Variants in EML5 observed in about 807,000 individuals in gnomAD.
The protein encoded by EML5 is echinoderm microtubule-associated protein-like 5.
A neutral mutation model predicts 250.0 loss-of-function variants in EML5; 120 were observed. The ratio of observed to expected loss-of-function variants is 0.48; its 90% CI spans 0.41 to 0.56. The LOEUF is 0.56. Ranked by LOEUF, EML5 falls within the 20% of genes least tolerant of loss-of-function variation. The probability of loss-of-function intolerance (pLI) is 0.00; values close to 1 mark genes in which losing one functional copy is unlikely to be tolerated. For missense variants in EML5, 2,006 were observed against 2,437.6 expected (o/e 0.82, Z 3.73); for synonymous variants, 771 against 806.5 (o/e 0.96, Z 0.75).
chr14:88,671,575 C>T (rs762616689), intron 21 of EML5, among the ~76,000 whole-genome samples: 8 of 152,076 alleles, frequency 5.3e-5, no homozygotes, highest in Non-Finnish European at 7.4e-5. Context: ...TGTAAATTGG[C>T]TAAATGCCCC....
intron 34 of EML5, chr14:88,627,340 A>G: frequency 4.4e-6 from 2 of 454,886 alleles, no homozygotes; most frequent in Non-Finnish European, 7.7e-6. Context: ...CATAATTTTC[A>G]TAAGAATCTC....
chr14:88,682,728 C>T (rs558883158), intron 20 of EML5, among the ~76,000 whole-genome samples: 1 of 152,212 alleles, frequency 6.6e-6, no homozygotes, highest in Admixed American at 6.5e-5. Flanking sequence ...TTGAGCTCAG[C>T]TGACAGGTGG....
intron 21 of EML5, among the ~76,000 whole-genome samples, chr14:88,678,257 G>T (rs1054093348): frequency 3.3e-5 from 5 of 152,072 alleles, no homozygotes; most frequent in Admixed American, 6.6e-5. Context: ...TAAGGATACA[G>T]GGAGAGGAAC....
At chr14:88,664,921 GAACTAAACC>G (rs1408743371) in intron 22 of EML5, among the ~76,000 whole-genome samples, 2 of 152,048 alleles carry the variant, frequency 1.3e-5, no homozygotes, top group South Asian at 2.1e-4. Context: ...GAAAAAAATG[GAACTAAACC>G]AACATAAGTA....
At chr14:88,746,562 A>G (rs1370932599) in intron 2 of EML5, among the ~76,000 whole-genome samples, 1 of 152,128 alleles carries the variant, frequency 6.6e-6, no homozygotes, top group Non-Finnish European at 1.5e-5. Context: ...AAAACTAAAA[A>G]TACTAGATAA....
intron 25 of EML5, among the ~76,000 whole-genome samples, chr14:88,660,464 G>A (rs554957324): frequency 1.6e-4 from 25 of 151,916 alleles, no homozygotes; most frequent in African/African-American, 6.0e-4. Context: ...ATCTGTTGGC[G>A]AGGCCCAGTG....
chr14:88,788,968 T>C (rs962830061), intron 1 of EML5, among the ~76,000 whole-genome samples: 1 of 149,076 alleles, frequency 6.7e-6, no homozygotes, highest in Non-Finnish European at 1.5e-5. Flanking sequence ...GAGGCTGAGG[T>C]GGGATGATCA....
chr14:88,667,097 G>C (rs1242692303), intron 21 of EML5, among the ~76,000 whole-genome samples: 1 of 152,074 alleles, frequency 6.6e-6, no homozygotes, highest in Non-Finnish European at 1.5e-5. Context: ...TTACTGAGAT[G>C]GGATAAACTA....
intron 1 of EML5, among the ~76,000 whole-genome samples, chr14:88,758,595 C>G (rs965225111): frequency 6.6e-6 from 1 of 152,196 alleles, no homozygotes; most frequent in South Asian, 2.1e-4. Flanking sequence ...AATGATGTAG[C>G]CTCTTTGGAA....
chr14:88,678,768 T>C (rs550015808), intron 21 of EML5, among the ~76,000 whole-genome samples: 20 of 152,326 alleles, frequency 1.3e-4, no homozygotes, highest in Admixed American at 1.0e-3. Context: ...AAACTAATAC[T>C]GTGAGAATAA....
intron 32 of EML5, among the ~76,000 whole-genome samples, chr14:88,637,535 T>C (rs2090809614): frequency 6.6e-6 from 1 of 152,176 alleles, no homozygotes. Flanking sequence ...AACCATATTC[T>C]AGAATTCTAT....
At chr14:88,615,949 GTAA>G in intron 43 of EML5, 95 bp from the exon 44 acceptor site, 1 of 1,418,678 alleles carries the variant, frequency 7.0e-7, no homozygotes, top group Non-Finnish European at 9.6e-7. Context: ...GGTTACATGT[GTAA>G]TATTTTTCCT....
At chr14:88,767,882 CA>C (rs60585264) in intron 1 of EML5, among the ~76,000 whole-genome samples, 103,281 of 151,876 alleles carry the variant, frequency 0.68, 37,225 homozygotes, top group East Asian at 0.98. Flanking sequence ...AAACCTTATT[CA>C]AAAATTCACC....
chr14:88,642,861 T>A, intron 31 of EML5, 32 bp downstream of exon 31: 1 of 1,562,300 alleles, frequency 6.4e-7, no homozygotes, highest in Non-Finnish European at 8.6e-7. Flanking sequence ...TTAAAAAAAT[T>A]GATAGAGGGA....
At chr14:88,763,765 G>C (rs753329699) in intron 1 of EML5, among the ~76,000 whole-genome samples, 1 of 152,048 alleles carries the variant, frequency 6.6e-6, no homozygotes, top group Non-Finnish European at 1.5e-5. Context: ...CAATAAAATA[G>C]CAGGATGTTT....
chr14:88,665,618 G>C, intron 21 of EML5, 129 bp from the exon 22 acceptor site: 1 of 1,258,280 alleles, frequency 7.9e-7, no homozygotes, highest in South Asian at 1.5e-5. Context: ...CCCGCGGCCA[G>C]GAGGTTAAGA....
At chr14:88,697,797 G>A (rs972345498) in intron 14 of EML5, among the ~76,000 whole-genome samples, 1 of 151,946 alleles carries the variant, frequency 6.6e-6, no homozygotes, top group Non-Finnish European at 1.5e-5. Flanking sequence ...GTGCAATGGC[G>A]CTATCTCGGC....
At chr14:88,649,744 T>G (rs1383872613) in intron 28 of EML5, among the ~76,000 whole-genome samples, 168 bp downstream of exon 28, 2 of 152,210 alleles carry the variant, frequency 1.3e-5, no homozygotes, top group African/African-American at 4.8e-5. Flanking sequence ...CCATATATGC[T>G]ATCTAAAAAT....
Position 88,620,902 on chromosome 14 carries a change from C to A in EML5, c.5227G>T (p.Gly1743Ter). Residue 1743 changes from glycine to a stop codon, truncating the protein, a stop_gained, in exon 39 of 44, where the codon GGA (glycine) becomes TGA (stop). Coordinates refer to ENST00000554922, the MANE Select transcript of EML5 (RefSeq NM_183387.3). LOFTEE classifies it high-confidence loss of function. The surrounding 1 kb of genome is among the most constrained non-coding windows in gnomAD (Gnocchi z 4.3). Reference protein sequence around the residue: ...DKKMLNKVNLGHAARTVCYSP... With the variant: ...DKKMLNKVNL Reference sequence around the variant, plus strand: ...TAACACACAGTACGAGCAGCATGTCCCAAATTCACTTTGTTTAACATCTTC... The same window carrying A: ...TAACACACAGTACGAGCAGCATGTCACAAATTCACTTTGTTTAACATCTTC... 1 of 1,519,958 alleles carries A rather than the reference C, an allele frequency of 6.6e-7. No homozygotes were observed. The highest frequency in any genetic ancestry group is 2.4e-5 in the East Asian group (1 of 41,654). The allele number at this position is 1,519,958 out of a possible 1,614,324, so 94.2% of individuals were successfully genotyped here. A position where few individuals can be genotyped will look rare whatever the true frequency, so the allele number is the denominator to read the frequency against.
Sources: gnomAD v4.1 joint callset for allele counts (sites outside exome capture counted in the v4.1 genomes callset) on GRCh38, gnomAD v4.1.1 for gene constraint, Gnocchi (gnomAD v3.1) non-coding constraint, MANE v1.5 for transcripts, NCBI Gene and HGNC (gene_info 2026-07-23, HGNC 2026-07-21) for gene names.